The following SLC8B1 variants were observed in gnomAD, a reference collection of about 807,000 sequenced individuals.
The protein encoded by SLC8B1 is mitochondrial sodium/calcium exchanger protein.
Under a neutral mutation model 63.4 loss-of-function variants are expected in SLC8B1, and 52 were observed. That is an observed-to-expected ratio of 0.82 (90% CI 0.66 to 1.03). SLC8B1 has a LOEUF of 1.03. Ranked by LOEUF, SLC8B1 falls within the 50% of genes least tolerant of loss-of-function variation. The probability of loss-of-function intolerance (pLI) is 0.00; values close to 1 mark genes in which losing one functional copy is unlikely to be tolerated. For missense variants in SLC8B1, 657 were observed against 741.7 expected (o/e 0.89, Z 1.33); for synonymous variants, 336 against 323.9 (o/e 1.04, Z -0.40).
intron 1 of SLC8B1, among the ~76,000 whole-genome samples, chr12:113,333,866 G>A (rs1957092001): frequency 6.6e-6 from 1 of 152,136 alleles, no homozygotes; most frequent in Non-Finnish European, 1.5e-5. Context: ...ACACCACCAT[G>A]CCCAGCTAAT....
At chr12:113,325,825 A>C (rs2136863001) in intron 2 of SLC8B1, among the ~76,000 whole-genome samples, 1 of 151,860 alleles carries the variant, frequency 6.6e-6, no homozygotes, top group African/African-American at 2.4e-5. Flanking sequence ...GGCCTCCCAA[A>C]GTGCTGGGAT....
In SLC8B1 at chr12:113,306,576, C is replaced by T; in HGVS notation, c.1412-1G>A. 2.5e-6 allele frequency: 4 copies of T among 1,613,930 alleles called. No homozygotes were observed. Among genetic ancestry groups the T allele is most frequent in the Non-Finnish European group, 3.4e-6 (4 of 1,179,934 alleles). ...GCCAGTGTGAAATCCGAGAAGGCAT[C>T]TGCACAGGAACAAGAGGGGCCTGCA... On this transcript the variant is annotated splice_acceptor_variant, in intron 13 of 15. Transcript: ENST00000680972. LOFTEE classifies it high-confidence loss of function.
rs1479975777 is a variant in SLC8B1, at chr12:113,334,522, G to C, written c.-162C>G. 1 of 152,108 alleles carries C rather than the reference G, an allele frequency of 6.6e-6. No individual in the cohort carries two copies. Among genetic ancestry groups the C allele is most frequent in the Non-Finnish European group, 1.5e-5 (1 of 68,038 alleles). The allele number at this position is 152,108 out of a possible 1,614,324, so 9.4% of individuals were successfully genotyped here. On this transcript the variant is annotated 5_prime_UTR_variant, in exon 1 of 16. Transcript: ENST00000680972. The stretch of plus-strand genomic sequence containing the variant: ...ACTGGAGTCCGAGTTACTCTATTTG[G>C]CACCAAGTTCAAACAGGACACCCCT...
At chr12:113,313,637 A>T (rs1280819094) in intron 11 of SLC8B1, among the ~76,000 whole-genome samples, 1 of 152,152 alleles carries the variant, frequency 6.6e-6, no homozygotes, top group Non-Finnish European at 1.5e-5. Flanking sequence ...ACTACTCAGA[A>T]GGCTGAGGCA....
At chr12:113,323,521 C>T (rs1206510418) in intron 2 of SLC8B1, among the ~76,000 whole-genome samples, 1 of 152,192 alleles carries the variant, frequency 6.6e-6, no homozygotes, top group East Asian at 1.9e-4. Context: ...CCAGCCTGGT[C>T]AACATGGGGA....
chr12:113,315,340 C>A lies in SLC8B1; in HGVS notation c.1130G>T (p.Gly377Val). Residue 377 changes from glycine (G) to valine (V), a missense_variant, in exon 11 of 16, where the codon GGG becomes GTG. Transcript: ENST00000680972. ...CCGGGGTAGGGGATACTCACAGGTC[C>A]CCGACTGCAGGGTCAGGACCACAAC... ...PLVVVLTLQS[G>V]TYGVYEIGGL... The A allele has an allele frequency of 6.5e-7, 1 of 1,538,362 alleles. No individual in the cohort carries two copies. The highest frequency in any genetic ancestry group is 1.2e-5 in the South Asian group (1 of 82,202).
In SLC8B1 at chr12:113,321,314, C is replaced by A; in HGVS notation, c.191G>T (p.Arg64Leu). The A allele has an allele frequency of 1.2e-6, 2 of 1,614,050 alleles. No individual in the cohort carries two copies. Among genetic ancestry groups the A allele is most frequent in the Non-Finnish European group, 1.7e-6 (2 of 1,180,022 alleles). Reference protein sequence around the residue: ...RKVCGLNVSDRCDFIRTNPDC... With the variant: ...RKVCGLNVSDLCDFIRTNPDC... ...AGGGTTGGTCCGGATGAAGTCACAG[C>A]GGTCAGAGACATTCAGGCCACACAC... The change falls in exon 3 of 16, where the codon CGC becomes CTC. Residue 64 changes from arginine (R) to leucine (L), a missense_variant. By Grantham distance (102) the Arg-to-Leu change is moderately radical. Coordinates refer to ENST00000680972, the MANE Select transcript of SLC8B1 (RefSeq NM_001358345.2).
At chr12:113,318,400 G>T (rs1956869995) in intron 8 of SLC8B1, among the ~76,000 whole-genome samples, 1 of 151,716 alleles carries the variant, frequency 6.6e-6, no homozygotes, top group Non-Finnish European at 1.5e-5. Flanking sequence ...ATGTATTTGT[G>T]TGTGTGCATA....
chr12:113,328,281 G>C (rs551911818), intron 2 of SLC8B1, among the ~76,000 whole-genome samples: 1 of 152,056 alleles, frequency 6.6e-6, no homozygotes, highest in African/African-American at 2.4e-5. Context: ...CTCCCGCCTC[G>C]GCCTTCCAAC....
chr12:113,332,926 T>C lies in SLC8B1; in HGVS notation c.-48A>G, dbSNP rs1957077091. ...TTACTCTCCACTTCCCTTTCTGCAG[T>C]AGCTCAGTTCCAAACAGCTGGCGGC... On this transcript the variant is annotated 5_prime_UTR_variant, in exon 2 of 16. Transcript: ENST00000680972. 1 of 1,483,322 alleles carries C rather than the reference T, an allele frequency of 6.7e-7. No individual in the cohort carries two copies. The highest frequency in any genetic ancestry group is 1.4e-5 in the African/African-American group (1 of 71,842). The allele number at this position is 1,483,322 out of a possible 1,614,324, so 91.9% of individuals were successfully genotyped here. A position where few individuals can be genotyped will look rare whatever the true frequency, so the allele number is the denominator to read the frequency against.
At chr12:113,301,957 C>T (rs1039786701) in intron 15 of SLC8B1, among the ~76,000 whole-genome samples, 4 of 152,098 alleles carry the variant, frequency 2.6e-5, no homozygotes, top group African/African-American at 9.7e-5. Flanking sequence ...TGAGCGAGAG[C>T]CAAAGTGTCA....
rs1237319333 is a variant in SLC8B1 at position 113,307,834 on chromosome 12, A to C, written c.1268T>G (p.Phe423Cys). The C allele has an allele frequency of 6.2e-7, 1 of 1,612,708 alleles. No individual in the cohort carries two copies. Among genetic ancestry groups the C allele is most frequent in the African/African-American group, 1.3e-5 (1 of 74,938 alleles). ...CAGGGCGCTGGTCAGAAAGCCCAGGAAAGCAAAGAGCTGCGGAGGGAATGG... is the reference window on the plus strand; with the variant it reads ...CAGGGCGCTGGTCAGAAAGCCCAGGCAAGCAAAGAGCTGCGGAGGGAATGG... ...QPPRLHWLFA[F>C]LGFLTSALWI... The change falls in exon 13 of 16, where the codon TTC becomes TGC. Residue 423 changes from phenylalanine to cysteine, a missense_variant. Coordinates refer to ENST00000680972, the MANE Select transcript of SLC8B1 (RefSeq NM_001358345.2).
chr12:113,306,305 T>C (rs916525759), intron 14 of SLC8B1, among the ~76,000 whole-genome samples, 190 bp downstream of exon 14: 1 of 151,992 alleles, frequency 6.6e-6, no homozygotes, highest in Non-Finnish European at 1.5e-5. Context: ...CACTGGATCC[T>C]TACAACACCA....
At chr12:113,333,051 C>T in intron 1 of SLC8B1, 91 bp from the exon 2 acceptor site, 2 of 762,394 alleles carry the variant, frequency 2.6e-6, no homozygotes, top group Non-Finnish European at 4.1e-6. Context: ...AAGGAACTGC[C>T]TTCCTGCCTC....
At chr12:113,316,148 C>T (rs1313838257) in intron 10 of SLC8B1, among the ~76,000 whole-genome samples, 2 of 151,684 alleles carry the variant, frequency 1.3e-5, no homozygotes, top group East Asian at 1.9e-4. Context: ...GGCGTGAACC[C>T]GGGAGGTGGA....
intron 12 of SLC8B1, chr12:113,308,094 C>T (rs1022631117): frequency 9.0e-5 from 34 of 379,632 alleles, no homozygotes; most frequent in African/African-American, 5.5e-4. Flanking sequence ...CGCCTGTAAT[C>T]GCAGCACTTT....
At position 113,320,927 on chromosome 12, in the gene SLC8B1, G is replaced by A. The variant is rs202144487; in HGVS notation, c.363-20C>T. On this transcript the variant is annotated intron_variant, in intron 4 of 15. Transcript: ENST00000680972. This position sits in a 1 kb window ranked among gnomAD's most constrained non-coding sequence, Gnocchi z 5.3. Reference sequence around the variant, plus strand: ...CAGAAACTACGGAGAAAAAGCGGACGGGAAGCATTTCCGTAGTAACCGGCC... The same window carrying A: ...CAGAAACTACGGAGAAAAAGCGGACAGGAAGCATTTCCGTAGTAACCGGCC... 1,001 of 1,601,672 alleles carry A rather than the reference G, an allele frequency of 6.2e-4. 1 individual carries two copies. Among genetic ancestry groups the A allele is most frequent in the Non-Finnish European group, 8.1e-4 (948 of 1,175,270 alleles).
In SLC8B1 at chr12:113,321,231, G is replaced by C. The variant is rs922008577; in HGVS notation, c.274C>G (p.Pro92Ala). 7.4e-6 allele frequency: 12 copies of C among 1,614,174 alleles called. No homozygotes were observed. The highest frequency in any genetic ancestry group is 1.0e-5 in the Non-Finnish European group (12 of 1,180,024). ...DYLEGIFCHF[P>A]PSLLPLAVTL... ...ACAGCCAGAGGGAGGAGGCTGGGAG[G>C]GAAGTGGCAGAAGATGCCTTCCAGG... Residue 92 changes from proline to alanine, a missense_variant, in exon 3 of 16, where the codon CCT (proline) becomes GCT (alanine). Transcript: ENST00000680972.
chr12:113,308,022 G>T, intron 12 of SLC8B1, 178 bp from the exon 13 acceptor site: 1 of 701,242 alleles, frequency 1.4e-6, no homozygotes, highest in Non-Finnish European at 2.2e-6. Flanking sequence ...TAAAACGTGA[G>T]TTCAATATTA....
Sources: allele counts gnomAD v4.1 joint callset (sites outside exome capture counted in the v4.1 genomes callset), GRCh38; gene constraint gnomAD v4.1.1; non-coding constraint Gnocchi (gnomAD v3.1); transcripts MANE v1.5; gene names NCBI Gene and HGNC (gene_info 2026-07-23, HGNC 2026-07-21).